The following RGS7 variants were observed in gnomAD, a reference collection of about 807,000 sequenced individuals.
RGS7 encodes the protein regulator of G-protein signaling 7.
In RGS7, 27 loss-of-function variants were observed where a neutral mutation model predicts 81.1. The ratio of observed to expected loss-of-function variants is 0.33; its 90% CI spans 0.25 to 0.46. The LOEUF (loss-of-function observed/expected upper bound fraction) is 0.46. Among genes scored for constraint, RGS7 ranks in the 20% least tolerant of loss-of-function variants. The pLI is 1.00. For synonymous variants in RGS7, 208 were observed against 207.7 expected (o/e 1.00, Z -0.01); for missense variants, 396 against 607.4 (o/e 0.65, Z 3.66).
At chr1:241,188,164 A>C (rs761388676) in intron 2 of RGS7, among the ~76,000 whole-genome samples, 1 of 108,434 alleles carries the variant, frequency 9.2e-6, no homozygotes, top group Non-Finnish European at 2.3e-5. Context: ...ATCATTACAC[A>C]TTGTATGCAT....
intron 9 of RGS7, among the ~76,000 whole-genome samples, chr1:240,830,532 G>A (rs970993382): frequency 2.0e-5 from 3 of 152,180 alleles, no homozygotes; most frequent in African/African-American, 7.2e-5. Context: ...TAGCAGCAGA[G>A]AAAGGCCGAG....
chr1:241,220,945 A>AG (rs1558202502), intron 2 of RGS7, among the ~76,000 whole-genome samples: 6 of 123,870 alleles, frequency 4.8e-5, no homozygotes, highest in South Asian at 2.9e-4. Context: ...GAAGGAAGGA[A>AG]GAAGCAAGGA....
chr1:241,253,684 A>G (rs2076931896), intron 2 of RGS7, among the ~76,000 whole-genome samples: 2 of 152,194 alleles, frequency 1.3e-5, no homozygotes, highest in South Asian at 2.1e-4. Context: ...CTCTCCTTCC[A>G]TAATTCTGAC....
chr1:241,291,886 A>T (rs2079111305), intron 2 of RGS7, among the ~76,000 whole-genome samples: 1 of 152,182 alleles, frequency 6.6e-6, no homozygotes, highest in South Asian at 2.1e-4. Context: ...AATTCCCAAC[A>T]TTTTAACCAA....
rs60598461 is a variant in RGS7, at chr1:240,837,534, G to A, written c.610-10362C>T. Among the ~76,000 whole-genome samples, 940 of 152,314 alleles carry A rather than the reference G, an allele frequency of 6.2e-3. 7 individuals carry two copies. Among genetic ancestry groups the A allele is most frequent in the African/African-American group, 0.02 (849 of 41,558 alleles). ...TGGTATTTCACTGGTGGGAGGGTGA[G>A]TAGCAACACAGAATTTTAGGATTCC... On this transcript the variant is annotated intron_variant, in intron 9 of 18. Coordinates refer to ENST00000440928, the MANE Select transcript of RGS7 (RefSeq NM_001364886.1).
In RGS7 at chr1:240,932,512, A is replaced by ATTTTTT. The variant is rs1388590625; in HGVS notation, c.334-1745_334-1744insAAAAAA. ...AAACTTTGCTTTCATGTAGGGTGTCACTTTTTTTTTTTTTGAGACAGGGTC... is the reference window on the plus strand; with the variant it reads ...AAACTTTGCTTTCATGTAGGGTGTCATTTTTTCTTTTTTTTTTTTTGAGACAGGGTC... On this transcript the variant is annotated intron_variant, in intron 5 of 18. Coordinates refer to ENST00000440928, the MANE Select transcript of RGS7 (RefSeq NM_001364886.1). Among the ~76,000 whole-genome samples, 4 of 16,096 alleles carry ATTTTTT rather than the reference A, an allele frequency of 2.5e-4. 2 individuals are homozygous for ATTTTTT. Among genetic ancestry groups the ATTTTTT allele is most frequent in the African/African-American group, 5.8e-4 (2 of 3,462 alleles). 10.6% of individuals were successfully genotyped at this position (16,096 alleles called of 152,430 possible). A position where few individuals can be genotyped will look rare whatever the true frequency, so the allele number is the denominator to read the frequency against.
intron 3 of RGS7, among the ~76,000 whole-genome samples, chr1:241,074,260 A>C (rs2062666107): frequency 6.6e-6 from 1 of 152,194 alleles, no homozygotes; most frequent in African/African-American, 2.4e-5. Flanking sequence ...TATGCCACCC[A>C]AAGAAATAGA....
intron 3 of RGS7, among the ~76,000 whole-genome samples, chr1:241,080,667 G>T (rs1257701111): frequency 6.6e-6 from 1 of 152,114 alleles, no homozygotes; most frequent in Non-Finnish European, 1.5e-5. Flanking sequence ...TAAGGATAAA[G>T]TCCAAATATA....
At chr1:241,107,858 G>C (rs1410429429) in intron 2 of RGS7, among the ~76,000 whole-genome samples, 1 of 152,052 alleles carries the variant, frequency 6.6e-6, no homozygotes, top group African/African-American at 2.4e-5. Flanking sequence ...AGGGGTGCTG[G>C]GCAGAGAAAC....
intron 9 of RGS7, among the ~76,000 whole-genome samples, chr1:240,857,562 C>A (rs896304830): frequency 1.3e-5 from 2 of 152,080 alleles, no homozygotes; most frequent in Non-Finnish European, 2.9e-5. Context: ...TTCCCTTCAA[C>A]CCTTCATCTT....
chr1:241,152,514 T>C (rs1298401168), intron 2 of RGS7, among the ~76,000 whole-genome samples: 5 of 152,236 alleles, frequency 3.3e-5, no homozygotes, highest in African/African-American at 4.8e-5. Context: ...CTGAAGCCCA[T>C]TGAACACTCC....
intron 2 of RGS7, among the ~76,000 whole-genome samples, chr1:241,122,939 C>T (rs971680356): frequency 2.6e-5 from 4 of 152,154 alleles, no homozygotes; most frequent in African/African-American, 9.7e-5. Context: ...AATCCTAAGT[C>T]GAACCACATT....
intron 3 of RGS7, among the ~76,000 whole-genome samples, chr1:241,053,964 T>C (rs1027138934): frequency 2.0e-5 from 3 of 152,246 alleles, no homozygotes; most frequent in Non-Finnish European, 2.9e-5. Context: ...TTTTTCTTTA[T>C]AAATTATCCA....
intron 2 of RGS7, among the ~76,000 whole-genome samples, chr1:241,350,828 A>G (rs1299964898): frequency 1.3e-5 from 2 of 151,624 alleles, no homozygotes; most frequent in Middle Eastern, 3.2e-3. Context: ...CTCAGCGTTG[A>G]CCAGATGGGC....
In RGS7 at chr1:241,089,023, C is replaced by CTCTCTA. The variant is rs2063670120; in HGVS notation, c.175+9642_175+9643insTAGAGA. 2.5e-4 allele frequency among the ~76,000 whole-genome samples: 6 copies of CTCTCTA among 23,946 alleles called. No homozygotes were observed. In the Admixed American group the frequency reaches 2.7e-3, roughly 11 times the overall value. The allele number at this position is 23,946 out of a possible 152,430, so 15.7% of individuals were successfully genotyped here. A position where few individuals can be genotyped will look rare whatever the true frequency, so the allele number is the denominator to read the frequency against. The stretch of plus-strand genomic sequence containing the variant: ...CCTGGGCCACAGAGCAAGACTCCAT[C>CTCTCTA]TCTCTCTCTCTCTCTCTCTCTCTCT... On this transcript the variant is annotated intron_variant, in intron 3 of 18. Transcript: ENST00000440928.
At chr1:241,260,978 C>T (rs868116547) in intron 2 of RGS7, among the ~76,000 whole-genome samples, 4 of 150,762 alleles carry the variant, frequency 2.7e-5, no homozygotes, top group Non-Finnish European at 4.4e-5. Flanking sequence ...TGCTAGATGA[C>T]GAGTTAGTGG....
chr1:240,879,555 C>A (rs576267085), intron 6 of RGS7, among the ~76,000 whole-genome samples: 94 of 152,264 alleles, frequency 6.2e-4, no homozygotes, highest in African/African-American at 2.2e-3. Context: ...GATGGTATTT[C>A]TTTTGTTTTC....
rs555488620 is a variant in RGS7 at position 240,874,082 on chromosome 1, C to T, written c.386-3963G>A. The stretch of plus-strand genomic sequence containing the variant: ...AATAGACTCGAAGGAGGTGGTTCAC[C>T]CTTCTACCATGTGGGGACACAGCAA... On this transcript the variant is annotated intron_variant, in intron 6 of 18. Coordinates refer to ENST00000440928, the MANE Select transcript of RGS7 (RefSeq NM_001364886.1). 7.8e-4 allele frequency among the ~76,000 whole-genome samples: 118 copies of T among 152,180 alleles called. 1 individual carries two copies. Among genetic ancestry groups the T allele is most frequent in the African/African-American group, 2.7e-3 (114 of 41,520 alleles).
chr1:241,197,812 C>G (rs2073187057), intron 2 of RGS7, among the ~76,000 whole-genome samples: 1 of 135,304 alleles, frequency 7.4e-6, no homozygotes, highest in African/African-American at 2.7e-5. Context: ...AAAAAACAAT[C>G]AGTAAAGAGA....
Sources: allele counts gnomAD v4.1 joint callset (sites outside exome capture counted in the v4.1 genomes callset), GRCh38; gene constraint gnomAD v4.1.1; transcripts MANE v1.5; gene names NCBI Gene and HGNC (gene_info 2026-07-23, HGNC 2026-07-21).